DIP2C: variants seen among roughly 807,000 people sequenced by gnomAD.
The protein encoded by DIP2C is disco-interacting protein 2 homolog C.
Under a neutral mutation model 192.4 loss-of-function variants are expected in DIP2C, and 33 were observed. The observed-to-expected ratio is 0.17, with a 90% confidence interval of 0.13 to 0.23. The LOEUF is 0.23. Among genes scored for constraint, DIP2C ranks in the 10% least tolerant of loss-of-function variants. The pLI is 1.00. For missense variants in DIP2C, 1,537 were observed against 2,110.1 expected, an observed-to-expected ratio of 0.73 and a Z score of 5.32; for synonymous variants, 979 against 864.1, an observed-to-expected ratio of 1.13 and a Z score of -2.33.
intron 1 of DIP2C, among the ~76,000 whole-genome samples, chr10:613,681 G>C (rs1351741810): frequency 6.6e-6 from 1 of 152,316 alleles, no homozygotes; most frequent in South Asian, 2.1e-4. Context: ...GCAGATTCCT[G>C]AGAATGGAAG....
chr10:568,848 A>T (rs1033753127), intron 1 of DIP2C, among the ~76,000 whole-genome samples: 1 of 147,776 alleles, frequency 6.8e-6, no homozygotes, highest in Non-Finnish European at 1.5e-5. Context: ...TCGTTTCTGC[A>T]AATGTCTACC....
chr10:461,512 A>G (rs564468635), intron 3 of DIP2C, among the ~76,000 whole-genome samples: 1 of 152,334 alleles, frequency 6.6e-6, no homozygotes, highest in African/African-American at 2.4e-5. Flanking sequence ...CATACCCAAT[A>G]CAGGAGCACC....
At chr10:420,297 C>T (rs770770845) in intron 5 of DIP2C, among the ~76,000 whole-genome samples, 2 of 152,256 alleles carry the variant, frequency 1.3e-5, no homozygotes, top group Non-Finnish European at 2.9e-5. Context: ...AGAATCGGGC[C>T]GGGTGGGCGG....
chr10:513,952 A>G lies in DIP2C; in HGVS notation c.86-27422T>C, dbSNP rs993638211. Among the ~76,000 whole-genome samples the G allele has an allele frequency of 2.0e-5, 3 of 152,368 alleles. No individual in the cohort carries two copies. In the South Asian group the frequency reaches 6.2e-4, roughly 32 times the overall value. ...CAGGTTGTATAGATCCAAAAAGCAG[A>G]AAAAACAGTGCTGAAATGTGTACAG... On this transcript the variant is annotated intron_variant, in intron 1 of 36. Transcript: ENST00000280886.
chr10:587,752 C>T (rs1409331491), intron 1 of DIP2C, among the ~76,000 whole-genome samples: 3 of 119,208 alleles, frequency 2.5e-5, no homozygotes, highest in Non-Finnish European at 5.1e-5. Context: ...GCCACTGCCT[C>T]AGCCCTGACC....
intron 3 of DIP2C, among the ~76,000 whole-genome samples, chr10:469,029 G>C (rs1295989770): frequency 1.3e-5 from 2 of 151,896 alleles, no homozygotes; most frequent in Non-Finnish European, 2.9e-5. Context: ...TGACACCTTG[G>C]TGTCACCCTG....
At chr10:527,403 G>A (rs1172070566) in intron 1 of DIP2C, among the ~76,000 whole-genome samples, 1 of 152,186 alleles carries the variant, frequency 6.6e-6, no homozygotes, top group African/African-American at 2.4e-5. Context: ...CGCTGCTTTT[G>A]TAATTTTTAA....
At chr10:614,815 G>C (rs1297450060) in intron 1 of DIP2C, among the ~76,000 whole-genome samples, 2 of 152,232 alleles carry the variant, frequency 1.3e-5, no homozygotes, top group East Asian at 3.9e-4. Flanking sequence ...GAGGCCCAGA[G>C]CCTCTCTGCA....
intron 26 of DIP2C, among the ~76,000 whole-genome samples, chr10:348,230 G>A (rs1199229207): frequency 1.3e-5 from 2 of 152,354 alleles, no homozygotes; most frequent in Non-Finnish European, 2.9e-5. Context: ...TCCTCCAGCT[G>A]TAGACGAAGG....
intron 1 of DIP2C, among the ~76,000 whole-genome samples, chr10:561,247 T>G (rs1849199664): frequency 1.3e-5 from 2 of 152,210 alleles, no homozygotes; most frequent in Non-Finnish European, 2.9e-5. Flanking sequence ...AGAGTTTGAT[T>G]CTCTTTGCTG....
At chr10:467,109 A>T (rs186236506) in intron 3 of DIP2C, among the ~76,000 whole-genome samples, 1 of 152,132 alleles carries the variant, frequency 6.6e-6, no homozygotes, top group African/African-American at 2.4e-5. Flanking sequence ...CATTACTCAC[A>T]ATAGCAAAGA....
Position 689,541 on chromosome 10 carries a change from A to AG in DIP2C, c.37dup (p.Leu13ProfsTer18). Reference sequence around the variant, plus strand: ...CTCGGCCAGGCGCGCCCGCACCTCCAGGGGCAGCGCCATGCCCTCCAGGCT... The same window carrying AG: ...CTCGGCCAGGCGCGCCCGCACCTCCAGGGGGCAGCGCCATGCCCTCCAGGCT... On this transcript the variant is annotated frameshift_variant, in exon 1 of 37. Transcript: ENST00000280886. LOFTEE classifies it high-confidence loss of function. This position sits in a 1 kb window ranked among gnomAD's most constrained non-coding sequence, Gnocchi z 6.1. The AG allele has an allele frequency of 7.7e-7, 1 of 1,297,612 alleles. No individual in the cohort carries two copies. The allele number at this position is 1,297,612 out of a possible 1,614,324, so 80.4% of individuals were successfully genotyped here. A position where few individuals can be genotyped will look rare whatever the true frequency, so the allele number is the denominator to read the frequency against.
chr10:593,070 A>G (rs1851494249), intron 1 of DIP2C, among the ~76,000 whole-genome samples: 1 of 152,222 alleles, frequency 6.6e-6, no homozygotes, highest in Admixed American at 6.5e-5. Context: ...AAATTATGCC[A>G]GTAGTGGCCG....
Position 366,385 on chromosome 10 carries a change from C to A in DIP2C, c.2158G>T (p.Gly720Trp), listed in dbSNP as rs1353993006. The A allele has an allele frequency of 1.9e-6, 3 of 1,614,204 alleles. No homozygotes were observed. Among genetic ancestry groups the A allele is most frequent in the Non-Finnish European group, 2.5e-6 (3 of 1,180,044 alleles). The change falls in exon 19 of 37, where the codon GGG becomes TGG. Residue 720 changes from glycine to tryptophan, a missense_variant. This residue lies in a region of DIP2C where 677 missense variants were observed against 989.9 expected (regional missense o/e 0.68). Transcript: ENST00000280886. ...TCCGTTCTGCACAGCTGAGGAACCC[C>A]GTCTGGCTTCACTGAACACATGATG... ...GAIMCSVKPD[G>W]VPQLCRTDEI...
intron 32 of DIP2C, among the ~76,000 whole-genome samples, chr10:298,541 C>G (rs997447776): frequency 3.9e-5 from 6 of 152,170 alleles, no homozygotes; most frequent in African/African-American, 1.4e-4. Context: ...TTTTGAGATG[C>G]GACACTGCTG....
chr10:329,634 GCTC>G, intron 29 of DIP2C, 33 bp from the exon 30 acceptor site: 1 of 438,722 alleles, frequency 2.3e-6, no homozygotes, highest in South Asian at 3.0e-5. Context: ...CAGGGCGGGA[GCTC>G]AGCAAGGCTG....
chr10:275,351 A>T lies in DIP2C; in HGVS notation c.*1974T>A, dbSNP rs1403454730. The stretch of plus-strand genomic sequence containing the variant: ...AGCAGAGACTAGGAATGTGCATCTG[A>T]AGCATGTGGAGAAATATTCACACAC... On this transcript the variant is annotated 3_prime_UTR_variant, in exon 37 of 37. Coordinates refer to ENST00000280886, the MANE Select transcript of DIP2C (RefSeq NM_014974.3). The T allele has an allele frequency of 6.6e-6, 1 of 152,178 alleles. No individual in the cohort carries two copies. The highest frequency in any genetic ancestry group is 1.5e-5 in the Non-Finnish European group (1 of 68,040). 9.4% of individuals were successfully genotyped at this position (152,178 alleles called of 1,614,324 possible).
intron 3 of DIP2C, among the ~76,000 whole-genome samples, chr10:471,923 A>C (rs1970662780): frequency 6.6e-6 from 1 of 152,118 alleles, no homozygotes; most frequent in African/African-American, 2.4e-5. Flanking sequence ...CGACAGCCTA[A>C]GTTTTCTGTT....
rs72653036 is a variant in DIP2C at position 325,031 on chromosome 10, A to C, written c.3924+1975T>G. 1,749 of 502,802 alleles carry C rather than the reference A, an allele frequency of 3.5e-3. 66 individuals are homozygous for C. The Admixed American group carries it at 0.036, about 10-fold the overall frequency. 31.1% of individuals were successfully genotyped at this position (502,802 alleles called of 1,614,324 possible). On this transcript the variant is annotated intron_variant, in intron 31 of 36. Transcript: ENST00000280886. ...CTGTAATCCCAGCACTTTAGGAGGCAAAGGAAGGCGGATCATGAGGTCAGG... is the reference window on the plus strand; with the variant it reads ...CTGTAATCCCAGCACTTTAGGAGGCCAAGGAAGGCGGATCATGAGGTCAGG...
Sources: allele counts gnomAD v4.1 joint callset (sites outside exome capture counted in the v4.1 genomes callset), GRCh38; gene constraint gnomAD v4.1.1; regional missense constraint gnomAD v4.1.1; non-coding constraint Gnocchi (gnomAD v3.1); transcripts MANE v1.5; gene names NCBI Gene and HGNC (gene_info 2026-07-23, HGNC 2026-07-21).